Variants in OLFML1 observed in about 807,000 individuals in gnomAD.
The protein encoded by OLFML1 is olfactomedin-like protein 1.
A neutral mutation model predicts 37.3 loss-of-function variants in OLFML1; 33 were observed. The observed-to-expected ratio is 0.88, with a 90% CI of 0.67 to 1.18. The LOEUF is 1.18. OLFML1 is among the 50% of genes most tolerant of loss of function. The pLI is 0.00. For missense variants in OLFML1, 545 were observed against 483.7 expected (o/e 1.13, Z -1.19); for synonymous variants, 186 against 181.3 (o/e 1.03, Z -0.21).
In OLFML1 at chr11:7,510,412, T is replaced by TC. The variant is rs1670120215; in HGVS notation, c.*229dup. On this transcript the variant is annotated 3_prime_UTR_variant, in exon 3 of 3. Coordinates refer to ENST00000329293, the MANE Select transcript of OLFML1 (RefSeq NM_198474.4). ...GGAAAGTTTCAACAATGTCCATTAC[T>TC]CCCCCAAACCTCCTGGCTCTCAAGG... is the stretch of plus-strand genomic sequence containing the variant. 4.0e-6 allele frequency: 2 copies of TC among 497,290 alleles called. No individual in the cohort carries two copies. Among genetic ancestry groups the TC allele is most frequent in the Admixed American group, 3.6e-5 (1 of 27,864 alleles). 30.8% of individuals were successfully genotyped at this position (497,290 alleles called of 1,614,324 possible).
In OLFML1 at chr11:7,509,698, A is replaced by T; in HGVS notation, c.719A>T (p.Asn240Ile). Residue 240 changes from asparagine to isoleucine, a missense_variant, in exon 3 of 3, where the codon AAC (asparagine) becomes ATC (isoleucine). Physicochemically the swap from Asn to Ile is moderately radical, Grantham distance 149 (BLOSUM62 -3). Coordinates refer to ENST00000329293, the MANE Select transcript of OLFML1 (RefSeq NM_198474.4). ...ACTTCTAATGAGATAATCAAATATA[A>T]CCTGCAGAAGAGGACTGTGGAAGAT... is the stretch of plus-strand genomic sequence containing the variant. ...QATSNEIIKY[N>I]LQKRTVEDRM... 6.2e-7 allele frequency: 1 copy of T among 1,614,222 alleles called. No homozygotes were observed.
Position 7,509,980 on chromosome 11 carries a change from G to T in OLFML1, c.1001G>T (p.Gly334Val). The T allele has an allele frequency of 6.2e-7, 1 of 1,614,206 alleles. No individual in the cohort carries two copies. Among genetic ancestry groups the T allele is most frequent in the Non-Finnish European group, 8.5e-7 (1 of 1,180,020 alleles). ...CGVLYVVYST[G>V]GQGPHRITCI... is the part of the protein sequence containing the mutation. ...GTTCTCTATGTGGTCTACAGTACTG[G>T]GGGCCAGGGCCCTCATCGCATCACC... Residue 334 changes from glycine to valine, a missense_variant, in exon 3 of 3, where the codon GGG becomes GTG. By Grantham distance (109) the Gly-to-Val change is moderately radical (BLOSUM62 -3). Transcript: ENST00000329293.
intron 2 of OLFML1, among the ~76,000 whole-genome samples, chr11:7,493,977 G>A (rs1479365205): frequency 6.6e-6 from 1 of 152,238 alleles, no homozygotes; most frequent in Non-Finnish European, 1.5e-5. Flanking sequence ...GGCTCTGATG[G>A]AGGGATGCAT....
intron 2 of OLFML1, among the ~76,000 whole-genome samples, chr11:7,491,777 G>A (rs1342125232): frequency 1.3e-5 from 2 of 152,180 alleles, no homozygotes; most frequent in Admixed American, 6.5e-5. Flanking sequence ...TGGGTCCTCT[G>A]CTGGTACTTG....
intron 2 of OLFML1, 65 bp from the exon 3 acceptor site, chr11:7,509,333 G>T: frequency 8.0e-7 from 1 of 1,247,992 alleles, no homozygotes; most frequent in East Asian, 2.3e-5. Flanking sequence ...AGCATGGGGA[G>T]CCTTCCAGAA....
intron 2 of OLFML1, among the ~76,000 whole-genome samples, chr11:7,506,328 T>C (rs1185962672): frequency 6.6e-6 from 1 of 152,194 alleles, no homozygotes. Context: ...GTGAATATAT[T>C]AGTCTTGGAC....
Position 7,499,442 on chromosome 11 carries a change from A to G in OLFML1, c.419-9956A>G, listed in dbSNP as rs565150208. On this transcript the variant is annotated intron_variant, in intron 2 of 2. Transcript: ENST00000329293. ...GAGTTTTAACTTACCCTTTTACTTG[A>G]ACACTGTAAATATATTATCCTCAAA... 3.9e-5 allele frequency among the ~76,000 whole-genome samples: 6 copies of G among 152,354 alleles called. No individual in the cohort carries two copies. The East Asian group carries it at 1.2e-3, about 29-fold the overall frequency.
chr11:7,486,204 CACAGTT>C (rs1267767812), intron 1 of OLFML1, among the ~76,000 whole-genome samples, 200 bp downstream of exon 1: 6 of 152,322 alleles, frequency 3.9e-5, no homozygotes, highest in African/African-American at 1.4e-4. Context: ...AGACCTTAAG[CACAGTT>C]GCACTTTGTG....
At position 7,509,788 on chromosome 11, in the gene OLFML1, T is replaced by A; in HGVS notation, c.809T>A (p.Ile270Asn). ...TACCAGCACTCCCCCTCAACTTACA[T>A]TGACCTGGCTGTGGATGAGCATGGG... ...LVYQHSPSTY[I>N]DLAVDEHGLW... Residue 270 changes from isoleucine (I) to asparagine (N), a missense_variant, in exon 3 of 3, where the codon ATT becomes AAT. Ile to Asn is a moderately radical substitution (Grantham distance 149). Transcript: ENST00000329293. 6.2e-7 allele frequency: 1 copy of A among 1,614,218 alleles called. No individual in the cohort carries two copies. Among genetic ancestry groups the A allele is most frequent in the South Asian group, 1.1e-5 (1 of 91,088 alleles).
chr11:7,490,164 T>A (rs1848578271), intron 2 of OLFML1, among the ~76,000 whole-genome samples: 1 of 150,324 alleles, frequency 6.7e-6, no homozygotes. Flanking sequence ...AAAAACATCT[T>A]ATCCCTGAGT....
intron 2 of OLFML1, among the ~76,000 whole-genome samples, chr11:7,499,825 G>A (rs1848700901): frequency 6.6e-6 from 1 of 152,208 alleles, no homozygotes; most frequent in East Asian, 1.9e-4. Context: ...AAAGAAGCAT[G>A]TCTGTGTTGG....
rs1590055405 is a variant in OLFML1 at position 7,485,851 on chromosome 11, A to G, written c.-25A>G. 9 of 1,610,670 alleles carry G rather than the reference A, an allele frequency of 5.6e-6. No homozygotes were observed. Among genetic ancestry groups the G allele is most frequent in the Non-Finnish European group, 6.8e-6 (8 of 1,178,802 alleles). The stretch of plus-strand genomic sequence containing the variant: ...CTTGAGAAGAGCCACAGCATAAGAG[A>G]CTGCCCTGCTTGGTGTTTTGCAGGA... On this transcript the variant is annotated 5_prime_UTR_variant, in exon 1 of 3. Transcript: ENST00000329293.
intron 2 of OLFML1, among the ~76,000 whole-genome samples, chr11:7,505,148 G>A (rs1848771491): frequency 6.6e-6 from 1 of 150,652 alleles, no homozygotes; most frequent in Admixed American, 6.6e-5. Flanking sequence ...TGCCCAGGCT[G>A]GTCTTGAACT....
intron 2 of OLFML1, among the ~76,000 whole-genome samples, chr11:7,500,513 AG>A (rs1255279393): frequency 3.9e-5 from 6 of 152,304 alleles, no homozygotes; most frequent in Middle Eastern, 3.4e-3. Flanking sequence ...CTGAGCTCAG[AG>A]GACCCCATCC....
intron 2 of OLFML1, chr11:7,504,946 T>TA (rs1848768179): frequency 6.6e-6 from 1 of 151,134 alleles, no homozygotes; most frequent in South Asian, 2.1e-4. Flanking sequence ...TTTTTTTTTT[T>TA]AGACAGGGTC....
chr11:7,501,944 G>C (rs1371030918), intron 2 of OLFML1, among the ~76,000 whole-genome samples: 2 of 152,142 alleles, frequency 1.3e-5, no homozygotes, highest in East Asian at 3.9e-4. Flanking sequence ...CCTAGGAGCG[G>C]GAGAGAAGGA....
intron 2 of OLFML1, among the ~76,000 whole-genome samples, chr11:7,494,240 T>C (rs1848635476): frequency 6.6e-6 from 1 of 152,170 alleles, no homozygotes; most frequent in African/African-American, 2.4e-5. Flanking sequence ...AAGGAGGAAG[T>C]TGTAGAGAGG....
chr11:7,489,311 A>T (rs1212792652), intron 2 of OLFML1, among the ~76,000 whole-genome samples: 2 of 152,140 alleles, frequency 1.3e-5, no homozygotes, highest in Non-Finnish European at 2.9e-5. Flanking sequence ...CTCAGTTTTG[A>T]ACAAAGAAGT....
chr11:7,492,691 G>A (rs561536032), intron 2 of OLFML1, among the ~76,000 whole-genome samples: 18 of 152,170 alleles, frequency 1.2e-4, no homozygotes, highest in Non-Finnish European at 2.1e-4. Flanking sequence ...GATGTTTTGC[G>A]GGTAGGTACA....
Sources: allele counts gnomAD v4.1 joint callset (sites outside exome capture counted in the v4.1 genomes callset), GRCh38; gene constraint gnomAD v4.1.1; transcripts MANE v1.5; gene names NCBI Gene and HGNC (gene_info 2026-07-23, HGNC 2026-07-21).